FAM131B: variants seen among roughly 807,000 people sequenced by gnomAD.
The protein encoded by FAM131B is protein FAM131B.
Under a neutral mutation model 42.0 loss-of-function variants are expected in FAM131B, and 19 were observed. The ratio of observed to expected loss-of-function variants is 0.45; its 90% confidence interval spans 0.32 to 0.66. The LOEUF (loss-of-function observed/expected upper bound fraction) is 0.66. FAM131B is among the 30% of genes least tolerant of loss of function. The pLI, the probability that FAM131B is intolerant of heterozygous loss-of-function variation, is 0.05. For missense variants in FAM131B, 370 were observed against 468.4 expected (o/e 0.79, Z 1.94); for synonymous variants, 183 against 177.6 (o/e 1.03, Z -0.24).
At chr7:143,369,357 ACTT>A in the FAM131B span, among the ~76,000 whole-genome samples, 1,606 of 152,260 alleles carry the variant, frequency 0.011, 39 homozygotes, top group African/African-American at 0.037. Flanking sequence ...AGACTGTTCA[ACTT>A]CTTGCAGATA....
chr7:143,369,069 A>G, the FAM131B span, among the ~76,000 whole-genome samples: 1 of 152,318 alleles, frequency 6.6e-6, no homozygotes, highest in African/African-American at 2.4e-5. Context: ...GAGTGTTAAA[A>G]CTGGTTGAAT....
chr7:143,359,850 G>T lies in FAM131B; in HGVS notation c.139-83C>A. 1.5e-6 allele frequency: 2 copies of T among 1,347,364 alleles called. No individual in the cohort carries two copies. The highest frequency in any genetic ancestry group is 1.0e-6 in the Non-Finnish European group (1 of 963,246). The allele number at this position is 1,347,364 out of a possible 1,614,324, so 83.5% of individuals were successfully genotyped here. ...GCCCCCTTCCTCAGAGGGCCTTCCA[G>T]GAGTGCGGGATGTGGGGAGGGCTTT... On this transcript the variant is annotated intron_variant, in intron 2 of 6. Transcript: ENST00000443739. The surrounding 1 kb of genome is among the most constrained non-coding windows in gnomAD (Gnocchi z 5.4).
At chr7:143,357,116 C>G (rs1201949401) in intron 6 of FAM131B, 94 bp from the exon 7 acceptor site, 1 of 1,152,588 alleles carries the variant, frequency 8.7e-7, no homozygotes, top group Non-Finnish European at 1.3e-6. Flanking sequence ...AGAGACAGCA[C>G]AGAGAACTGG....
intron 1 of FAM131B, 45 bp from the exon 2 acceptor site, chr7:143,360,194 C>T (rs1803891866): frequency 2.6e-6 from 4 of 1,560,832 alleles, no homozygotes; most frequent in Non-Finnish European, 3.5e-6. Flanking sequence ...CCTCCCTGTG[C>T]AGCCGAGGCG....
chr7:143,365,258 A>T (rs138534395), upstream of FAM131B, among the ~76,000 whole-genome samples: 330 of 152,334 alleles, frequency 2.2e-3, 2 homozygotes, highest in African/African-American at 7.5e-3. Context: ...TTCCAGCAGC[A>T]GGGAAGACGG....
chr7:143,357,545 A>G, intron 5 of FAM131B, 122 bp from the exon 6 acceptor site: 2 of 683,276 alleles, frequency 2.9e-6, no homozygotes, highest in Non-Finnish European at 4.3e-6. Flanking sequence ...CACTTATATC[A>G]TTTTAAATTT....
In FAM131B at chr7:143,359,253, G is replaced by A. The variant is rs1381436331; in HGVS notation, c.268+73C>T. ...ATGAGGGTCTTCATCAACCTCGAAG[G>A]AGCAGGGAGACTGAGCCAAGGAGTC... On this transcript the variant is annotated intron_variant, in intron 4 of 6. Coordinates refer to ENST00000443739, the MANE Select transcript of FAM131B (RefSeq NM_001031690.3). This position sits in a 1 kb window ranked among gnomAD's most constrained non-coding sequence, Gnocchi z 5.4. 10 of 1,258,512 alleles carry A rather than the reference G, an allele frequency of 7.9e-6. No homozygotes were observed. In the African/African-American group the frequency reaches 1.5e-4, roughly 18 times the overall value. 78.0% of individuals were successfully genotyped at this position (1,258,512 alleles called of 1,614,324 possible). A position where few individuals can be genotyped will look rare whatever the true frequency, so the allele number is the denominator to read the frequency against.
the FAM131B span, among the ~76,000 whole-genome samples, chr7:143,377,675 G>C: frequency 0.015 from 2,315 of 152,192 alleles, 20 homozygotes; most frequent in Middle Eastern, 0.02. Flanking sequence ...TTATAGTGAT[G>C]ATTAGAAGGG....
the FAM131B span, among the ~76,000 whole-genome samples, chr7:143,375,115 A>C: frequency 6.6e-5 from 10 of 152,222 alleles, no homozygotes; most frequent in Non-Finnish European, 1.0e-4. Context: ...ATGTTTGCTG[A>C]ATAAATGAAT....
At chr7:143,374,365 C>T in the FAM131B span, among the ~76,000 whole-genome samples, 12 of 152,278 alleles carry the variant, frequency 7.9e-5, no homozygotes, top group East Asian at 3.9e-4. Context: ...TTTCTGTGGA[C>T]GAGTTCATGT....
chr7:143,374,351 A>T, the FAM131B span, among the ~76,000 whole-genome samples: 2 of 152,058 alleles, frequency 1.3e-5, no homozygotes, highest in African/African-American at 4.8e-5. Flanking sequence ...CCTTTGTCCC[A>T]TTCTTTCTGT....
At chr7:143,375,714 A>G in the FAM131B span, among the ~76,000 whole-genome samples, 3 of 152,140 alleles carry the variant, frequency 2.0e-5, no homozygotes, top group Non-Finnish European at 2.9e-5. Context: ...ACCTACATTC[A>G]ACCTCCACTC....
At chr7:143,381,217 C>G in the FAM131B span, 1,294 of 1,004,850 alleles carry the variant, frequency 1.3e-3, 17 homozygotes, top group African/African-American at 0.021. Context: ...CCCCGCTCTC[C>G]CCGCCCCCTC....
chr7:143,374,231 A>G, the FAM131B span, among the ~76,000 whole-genome samples: 1 of 152,194 alleles, frequency 6.6e-6, no homozygotes, highest in South Asian at 2.1e-4. Context: ...CAGTACGTCC[A>G]GAATGAAACA....
At chr7:143,380,550 G>A in the FAM131B span, 1 of 985,468 alleles carries the variant, frequency 1.0e-6, no homozygotes, top group Non-Finnish European at 1.2e-6. This position sits in a 1 kb window ranked among gnomAD's most constrained non-coding sequence, Gnocchi z 5.0. Context: ...CGCCGCCTCG[G>A]CCCCGCCCTC....
chr7:143,364,803 A>C (rs1485770135), upstream of FAM131B, among the ~76,000 whole-genome samples: 2 of 152,244 alleles, frequency 1.3e-5, no homozygotes, highest in African/African-American at 2.4e-5. Flanking sequence ...AAAGAGGTCC[A>C]GGGCACAAAA....
the FAM131B span, among the ~76,000 whole-genome samples, chr7:143,376,020 T>A: frequency 1.3e-5 from 2 of 152,228 alleles, no homozygotes; most frequent in African/African-American, 4.8e-5. Context: ...TGCTGATGCT[T>A]GCAGTGCCTT....
chr7:143,365,975 C>G (rs1449400300), upstream of FAM131B, among the ~76,000 whole-genome samples: 2 of 152,166 alleles, frequency 1.3e-5, no homozygotes, highest in African/African-American at 4.8e-5. Flanking sequence ...TGATCTTGAA[C>G]TCCTGGCCTC....
rs1455641713 is a variant in FAM131B, at chr7:143,353,729, TA to T, written c.*2820del. ...TGTATAGGTGAGGTCGTGGAGAAGA[TA>T]ATAAACTCATTCCCCAAGATACCCT... On this transcript the variant is annotated 3_prime_UTR_variant, in exon 7 of 7. Coordinates refer to ENST00000443739, the MANE Select transcript of FAM131B (RefSeq NM_001031690.3). The T allele has an allele frequency of 6.6e-6, 1 of 152,104 alleles. No homozygotes were observed. Among genetic ancestry groups the T allele is most frequent in the East Asian group, 1.9e-4 (1 of 5,156 alleles). 9.4% of individuals were successfully genotyped at this position (152,104 alleles called of 1,614,324 possible).
Sources: allele counts gnomAD v4.1 joint callset (sites outside exome capture counted in the v4.1 genomes callset), GRCh38; gene constraint gnomAD v4.1.1; non-coding constraint Gnocchi (gnomAD v3.1); transcripts MANE v1.5; gene names NCBI Gene and HGNC (gene_info 2026-07-23, HGNC 2026-07-21).